The following WSCD2 variants were observed in gnomAD, a reference collection of about 807,000 sequenced individuals.
The protein encoded by WSCD2 is WSC domain sialate O sulfotransferase 2.
In WSCD2, 28 loss-of-function variants were observed where a neutral mutation model predicts 55.7. That is an observed-to-expected ratio of 0.50 (90% CI 0.37 to 0.69). The LOEUF (loss-of-function observed/expected upper bound fraction) is 0.69. WSCD2 is among the 30% of genes least tolerant of loss of function. WSCD2 has a pLI of 0.00. For synonymous variants in WSCD2, 301 were observed against 301.9 expected, an observed-to-expected ratio of 1.00 and a Z score of 0.03; for missense variants, 616 against 762.1, an observed-to-expected ratio of 0.81 and a Z score of 2.26.
chr12:108,190,392 G>A (rs761103841), intron 1 of WSCD2, among the ~76,000 whole-genome samples: 23 of 152,010 alleles, frequency 1.5e-4, no homozygotes, highest in East Asian at 3.9e-4. Context: ...TCAGTTGGTC[G>A]CTGGGCCTGC....
At chr12:108,130,997 G>A (rs996472208) in intron 1 of WSCD2, among the ~76,000 whole-genome samples, 1 of 152,210 alleles carries the variant, frequency 6.6e-6, no homozygotes, top group African/African-American at 2.4e-5. Context: ...ATGGCATGGT[G>A]CTACCTACTT....
At chr12:108,144,211 T>C (rs1877155037) in intron 1 of WSCD2, among the ~76,000 whole-genome samples, 1 of 152,144 alleles carries the variant, frequency 6.6e-6, no homozygotes, top group Admixed American at 6.5e-5. Flanking sequence ...TGTCTGTACG[T>C]TGAGAGCTCG....
intron 7 of WSCD2, among the ~76,000 whole-genome samples, chr12:108,237,556 C>A (rs1565994841): frequency 6.6e-6 from 1 of 152,218 alleles, no homozygotes; most frequent in African/African-American, 2.4e-5. Context: ...CTTGCAGTTA[C>A]CTAGACAGGC....
chr12:108,145,348 A>G (rs539552841), intron 1 of WSCD2, among the ~76,000 whole-genome samples: 1 of 152,308 alleles, frequency 6.6e-6, no homozygotes, highest in Admixed American at 6.5e-5. Flanking sequence ...TTGTGATTAC[A>G]GCGTTGTGTG....
chr12:108,212,622 C>G (rs7962008), intron 4 of WSCD2, among the ~76,000 whole-genome samples: 2 of 147,276 alleles, frequency 1.4e-5, no homozygotes, highest in African/African-American at 2.6e-5. Context: ...CTCACACACA[C>G]ACACACACAC....
chr12:108,218,450 TG>T (rs1290083160), intron 4 of WSCD2, among the ~76,000 whole-genome samples: 3 of 152,202 alleles, frequency 2.0e-5, no homozygotes, highest in African/African-American at 7.2e-5. Context: ...CCTAGGGCTC[TG>T]GGCTAGGATG....
rs1187089964 is a variant in WSCD2 at position 108,173,836 on chromosome 12, G to C, written c.-551-21446G>C. On this transcript the variant is annotated intron_variant, in intron 1 of 8. Coordinates refer to ENST00000547525, the MANE Select transcript of WSCD2 (RefSeq NM_014653.4). ...TGTGTGTGTGTGTGTGTGTGTGTGT[G>C]TGTGTGTGTGTGTGTGTGTCAGGGA... 3.5e-4 allele frequency among the ~76,000 whole-genome samples: 53 copies of C among 151,722 alleles called. 1 individual carries two copies. In the South Asian group the frequency reaches 5.4e-3, roughly 16 times the overall value.
intron 1 of WSCD2, among the ~76,000 whole-genome samples, chr12:108,138,594 A>T (rs1041002510): frequency 6.6e-6 from 1 of 152,330 alleles, no homozygotes; most frequent in Middle Eastern, 3.4e-3. Flanking sequence ...CTTAGCCAGA[A>T]GATAAGTCAT....
At chr12:108,162,915 T>A (rs1879214023) in intron 1 of WSCD2, among the ~76,000 whole-genome samples, 1 of 152,204 alleles carries the variant, frequency 6.6e-6, no homozygotes, top group Non-Finnish European at 1.5e-5. Flanking sequence ...TGAGCCTGCA[T>A]CTTGTGCCAG....
intron 1 of WSCD2, among the ~76,000 whole-genome samples, chr12:108,168,091 G>A (rs537213247): frequency 1.3e-5 from 2 of 152,178 alleles, no homozygotes; most frequent in East Asian, 1.9e-4. Flanking sequence ...ACTCATTCTT[G>A]TGCCACATTG....
At chr12:108,227,230 C>T (rs1888205168) in intron 6 of WSCD2, 66 bp downstream of exon 6, 1 of 1,544,762 alleles carries the variant, frequency 6.5e-7, no homozygotes, top group Non-Finnish European at 8.8e-7. Context: ...CAGACGTGTT[C>T]CTGCCAGTCC....
chr12:108,163,808 T>C (rs1244294254), intron 1 of WSCD2, among the ~76,000 whole-genome samples: 3 of 152,204 alleles, frequency 2.0e-5, no homozygotes, highest in African/African-American at 7.2e-5. Flanking sequence ...GCAGACATCT[T>C]GATTTTACAC....
At chr12:108,157,737 C>T (rs1878665627) in intron 1 of WSCD2, among the ~76,000 whole-genome samples, 1 of 152,134 alleles carries the variant, frequency 6.6e-6, no homozygotes, top group South Asian at 2.1e-4. Context: ...AGTTGTTCTT[C>T]CTCGTCATCT....
At chr12:108,130,475 GGTGTGTGTGTGTGTGTGTGTGTGTGT>G (rs559546028) in intron 1 of WSCD2, among the ~76,000 whole-genome samples, 10 of 134,416 alleles carry the variant, frequency 7.4e-5, no homozygotes, top group African/African-American at 2.7e-4. Flanking sequence ...TCCATTCTGG[GGTGTGTGTGTGTGTGTGTGTGTGTGT>G]GTGTGTGTGT....
chr12:108,147,148 G>A (rs1877475299), intron 1 of WSCD2, among the ~76,000 whole-genome samples: 1 of 152,166 alleles, frequency 6.6e-6, no homozygotes, highest in Non-Finnish European at 1.5e-5. Flanking sequence ...CCCTGGAATG[G>A]TGAGCAAGAA....
At position 108,166,789 on chromosome 12, in the gene WSCD2, C is replaced by CTTTCTTTCTT. The variant is rs1232364251; in HGVS notation, c.-551-28492_-551-28491insTTCTTTCTTT. ...TCTTTCTTTCTTTCTTTCTTTCTTT[C>CTTTCTTTCTT]TGTCTTTCTTTCTTTCTCTCTTTTT... On this transcript the variant is annotated intron_variant, in intron 1 of 8. Coordinates refer to ENST00000547525, the MANE Select transcript of WSCD2 (RefSeq NM_014653.4). Among the ~76,000 whole-genome samples the CTTTCTTTCTT allele has an allele frequency of 1.5e-4, 20 of 133,236 alleles. 1 individual carries two copies. The highest frequency in any genetic ancestry group is 5.3e-4 in the African/African-American group (19 of 35,790). 87.4% of individuals were successfully genotyped at this position (133,236 alleles called of 152,430 possible).
Position 108,166,759 on chromosome 12 carries a change from T to TC in WSCD2, c.-551-28522dup, listed in dbSNP as rs1250301783. Among the ~76,000 whole-genome samples the TC allele has an allele frequency of 7.9e-3, 356 of 44,964 alleles. 2 individuals carry two copies. The highest frequency in any genetic ancestry group is 0.017 in the Non-Finnish European group (295 of 17,080). 29.5% of individuals were successfully genotyped at this position (44,964 alleles called of 152,430 possible). ...TTCTTTCTTTCCTTCTTTCTTTCTT[T>TC]CTTTTCTTTCTTTCTTTCTTTCTTT... On this transcript the variant is annotated intron_variant, in intron 1 of 8. Coordinates refer to ENST00000547525, the MANE Select transcript of WSCD2 (RefSeq NM_014653.4).
intron 1 of WSCD2, among the ~76,000 whole-genome samples, chr12:108,149,069 C>T (rs1349701222): frequency 3.3e-5 from 5 of 152,152 alleles, no homozygotes; most frequent in South Asian, 2.1e-4. Flanking sequence ...TTCTCACTGG[C>T]GTGCTAATTA....
chr12:108,160,739 G>A (rs916833396), intron 1 of WSCD2, among the ~76,000 whole-genome samples: 1 of 152,196 alleles, frequency 6.6e-6, no homozygotes, highest in African/African-American at 2.4e-5. Flanking sequence ...TGATGTGATA[G>A]ATAATACAGC....
Sources: allele counts gnomAD v4.1 joint callset (sites outside exome capture counted in the v4.1 genomes callset), GRCh38; gene constraint gnomAD v4.1.1; transcripts MANE v1.5; gene names NCBI Gene and HGNC (gene_info 2026-07-23, HGNC 2026-07-21).